Variants in ARHGAP26 observed in about 807,000 individuals in gnomAD.
ARHGAP26 encodes the protein rho GTPase-activating protein 26.
ARHGAP26 carries 38 observed loss-of-function variants against 104.8 expected under a neutral mutation model. That is an observed-to-expected ratio of 0.36 (90% confidence interval 0.28 to 0.48). The LOEUF is 0.48. Ranked by LOEUF, ARHGAP26 falls within the 20% of genes least tolerant of loss-of-function variation. The pLI is 0.99. For missense variants in ARHGAP26, 704 were observed against 947.9 expected (o/e 0.74, Z 3.38); for synonymous variants, 341 against 340.0 (o/e 1.00, Z -0.03).
chr5:143,104,652 A>T (rs1185048690), intron 17 of ARHGAP26, among the ~76,000 whole-genome samples: 1 of 152,274 alleles, frequency 6.6e-6, no homozygotes, highest in East Asian at 1.9e-4. Flanking sequence ...ACAATAAAAT[A>T]TTGGAAACAA....
Position 142,854,544 on chromosome 5 carries a change from C to A in ARHGAP26, c.155-18856C>A, listed in dbSNP as rs1752037887. 1.3e-5 allele frequency among the ~76,000 whole-genome samples: 2 copies of A among 152,142 alleles called. 1 individual carries two copies. Among genetic ancestry groups the A allele is most frequent in the South Asian group, 4.1e-4 (2 of 4,832 alleles). On this transcript the variant is annotated intron_variant, in intron 1 of 22. Coordinates refer to ENST00000645722, the MANE Select transcript of ARHGAP26 (RefSeq NM_001135608.3). ...AAGGATGAATGGGTGAGCCTATTGC[C>A]AGAATAAATATATGACACTGTTATA...
intron 20 of ARHGAP26, chr5:143,168,475 T>TTTTTTTTTTTTTTTTTTA (rs1314878264): frequency 7.2e-6 from 1 of 138,934 alleles, no homozygotes; most frequent in Non-Finnish European, 1.6e-5. Context: ...TTTTTTTTTT[T>TTTTTTTTTTTTTTTTTTA]TGCTCAAATT....
intron 11 of ARHGAP26, among the ~76,000 whole-genome samples, chr5:142,994,620 A>G (rs938799944): frequency 1.3e-5 from 2 of 152,208 alleles, no homozygotes; most frequent in African/African-American, 4.8e-5. Flanking sequence ...ATCATGCTGG[A>G]AGCAGAATCC....
intron 3 of ARHGAP26, among the ~76,000 whole-genome samples, chr5:142,875,522 C>T (rs1755963693): frequency 6.6e-6 from 1 of 152,058 alleles, no homozygotes; most frequent in Admixed American, 6.6e-5. Context: ...TCTGCCCCTC[C>T]CCCCATCTTA....
intron 1 of ARHGAP26, among the ~76,000 whole-genome samples, chr5:142,803,469 T>G (rs1762425994): frequency 6.6e-6 from 1 of 152,224 alleles, no homozygotes. Flanking sequence ...TCCTGTCCTT[T>G]GTTGTTGCTA....
chr5:142,936,064 C>G (rs1765363035), intron 11 of ARHGAP26, among the ~76,000 whole-genome samples: 1 of 151,270 alleles, frequency 6.6e-6, no homozygotes, highest in Non-Finnish European at 1.5e-5. Context: ...TACAACTGCC[C>G]CCACTTTCAG....
At position 143,011,716 on chromosome 5, in the gene ARHGAP26, C is replaced by T. The variant is rs185148180; in HGVS notation, c.1108-2364C>T. On this transcript the variant is annotated intron_variant, in intron 11 of 22. Transcript: ENST00000645722. ...TCAATTTGGAAACCATGATCTAGCT[C>T]AAGTTCATTTATATAGATGATAAAG... Among the ~76,000 whole-genome samples, 8 of 152,200 alleles carry T rather than the reference C, an allele frequency of 5.3e-5. No individual in the cohort carries two copies. In the East Asian group the frequency reaches 1.5e-3, roughly 29 times the overall value.
intron 20 of ARHGAP26, chr5:143,147,589 CTTAGCCTTGG>C (rs1799318947): frequency 1.8e-6 from 1 of 543,284 alleles, no homozygotes; most frequent in Non-Finnish European, 3.2e-6. Context: ...CATACTGCTT[CTTAGCCTTGG>C]TGATTTTTGA....
At chr5:142,928,315 T>C (rs1764222009) in intron 10 of ARHGAP26, among the ~76,000 whole-genome samples, 1 of 151,882 alleles carries the variant, frequency 6.6e-6, no homozygotes, top group African/African-American at 2.4e-5. Context: ...ACCACTTCTA[T>C]AGAAAGTAAG....
intron 20 of ARHGAP26, among the ~76,000 whole-genome samples, chr5:143,180,098 CAG>C (rs935012708): frequency 8.5e-5 from 13 of 152,250 alleles, no homozygotes; most frequent in African/African-American, 2.9e-4. Flanking sequence ...GTTCTTATTT[CAG>C]AGAGTCAGGT....
In ARHGAP26 at chr5:142,942,524, T is replaced by G. The variant is rs1285345531; in HGVS notation, c.1107+10399T>G. Among the ~76,000 whole-genome samples the G allele has an allele frequency of 3.9e-5, 6 of 152,206 alleles. No individual in the cohort carries two copies. The East Asian group carries it at 1.2e-3, about 29-fold the overall frequency. On this transcript the variant is annotated intron_variant, in intron 11 of 22. Coordinates refer to ENST00000645722, the MANE Select transcript of ARHGAP26 (RefSeq NM_001135608.3). ...GACAAAGTCACAAGTACTACTGTGG[T>G]GTGTTGCCTGCATTCATATTTGAAG... is the stretch of plus-strand genomic sequence containing the variant.
At chr5:143,009,777 T>G (rs1317026272) in intron 11 of ARHGAP26, among the ~76,000 whole-genome samples, 1 of 152,206 alleles carries the variant, frequency 6.6e-6, no homozygotes, top group African/African-American at 2.4e-5. Context: ...CATCAAAGTA[T>G]AGAAACCCAA....
intron 22 of ARHGAP26, among the ~76,000 whole-genome samples, chr5:143,222,124 A>G (rs1316051575): frequency 6.6e-6 from 1 of 152,226 alleles, no homozygotes; most frequent in African/African-American, 2.4e-5. Flanking sequence ...CATTGTAAAG[A>G]AAGTTCAGGA....
At chr5:142,844,729 C>A (rs1458048389) in intron 1 of ARHGAP26, among the ~76,000 whole-genome samples, 7 of 151,784 alleles carry the variant, frequency 4.6e-5, no homozygotes, top group Non-Finnish European at 1.0e-4. Flanking sequence ...GTGGTGGGCT[C>A]CTATAATCCC....
intron 11 of ARHGAP26, among the ~76,000 whole-genome samples, chr5:143,004,621 T>C (rs1777679471): frequency 6.6e-6 from 1 of 152,176 alleles, no homozygotes; most frequent in Non-Finnish European, 1.5e-5. Context: ...AAATCTGCCT[T>C]CCTGGGGACT....
intron 1 of ARHGAP26, among the ~76,000 whole-genome samples, chr5:142,862,677 G>C (rs1597966335): frequency 6.6e-6 from 1 of 152,206 alleles, no homozygotes; most frequent in South Asian, 2.1e-4. Flanking sequence ...AGGCAGAGCA[G>C]TCCTTCCCAA....
At chr5:142,833,893 ACC>A (rs1769023113) in intron 1 of ARHGAP26, among the ~76,000 whole-genome samples, 1 of 152,178 alleles carries the variant, frequency 6.6e-6, no homozygotes, top group African/African-American at 2.4e-5. Flanking sequence ...AAATATCTTG[ACC>A]TTGGCGTTGG....
At chr5:143,112,756 AAG>A (rs1794921347) in intron 17 of ARHGAP26, among the ~76,000 whole-genome samples, 1 of 152,318 alleles carries the variant, frequency 6.6e-6, no homozygotes, top group South Asian at 2.1e-4. Flanking sequence ...CAATATCCCC[AAG>A]ATTCATCCAT....
At chr5:143,170,014 C>G (rs1802548003) in intron 20 of ARHGAP26, 2 of 152,142 alleles carry the variant, frequency 1.3e-5, no homozygotes, top group African/African-American at 4.8e-5. Flanking sequence ...AAAATGTTAT[C>G]TTCCTACTTA....
Sources: allele counts gnomAD v4.1 joint callset (sites outside exome capture counted in the v4.1 genomes callset), GRCh38; gene constraint gnomAD v4.1.1; transcripts MANE v1.5; gene names NCBI Gene and HGNC (gene_info 2026-07-23, HGNC 2026-07-21).